The following MBLAC2 variants were observed in gnomAD, a reference collection of about 807,000 sequenced individuals.
MBLAC2 encodes the protein metallo-beta-lactamase domain containing 2, also known as acyl-coenzyme A thioesterase MBLAC2.
Under a neutral mutation model 23.3 loss-of-function variants are expected in MBLAC2, and 24 were observed. The ratio of observed to expected loss-of-function variants is 1.03; its 90% confidence interval spans 0.75 to 1.45. The LOEUF (loss-of-function observed/expected upper bound fraction) is 1.45, where lower values mean the gene tolerates loss of function less well. Ranked by LOEUF, MBLAC2 falls within the 40% of genes most tolerant of loss-of-function variation. MBLAC2 has a pLI of 0.00. For synonymous variants in MBLAC2, 162 were observed against 150.9 expected (o/e 1.07, Z -0.54); for missense variants, 358 against 370.0 (o/e 0.97, Z 0.27).
At chr5:90,469,832 C>A (rs1452242972) in intron 1 of MBLAC2, among the ~76,000 whole-genome samples, 1 of 152,106 alleles carries the variant, frequency 6.6e-6, no homozygotes, top group Non-Finnish European at 1.5e-5. Flanking sequence ...GGTTCCTCAA[C>A]AAACTGAAAA....
At chr5:90,463,919 TGAA>T (rs1309680972) in intron 1 of MBLAC2, among the ~76,000 whole-genome samples, 2 of 152,054 alleles carry the variant, frequency 1.3e-5, no homozygotes, top group African/African-American at 4.8e-5. Flanking sequence ...CTACAGACCC[TGAA>T]GAAATTAAAA....
chr5:90,472,785 G>T (rs1002731018), intron 1 of MBLAC2: 2 of 152,012 alleles, frequency 1.3e-5, no homozygotes, highest in African/African-American at 4.8e-5. Flanking sequence ...TATGAGGCAG[G>T]ATTTATGTAT....
At chr5:90,467,177 T>A (rs918856870) in intron 1 of MBLAC2, among the ~76,000 whole-genome samples, 1 of 152,312 alleles carries the variant, frequency 6.6e-6, no homozygotes, top group South Asian at 2.1e-4. Context: ...GAATGTTCTG[T>A]AAATATCTAT....
rs1402362157 is a variant in MBLAC2 at position 90,460,462 on chromosome 5, T to TCA, written c.*703_*704dup. The stretch of plus-strand genomic sequence containing the variant: ...TAGTTAGATAACAGACATTTGCATT[T>TCA]CACTTTCATAATTGAAAATATTACC... On this transcript the variant is annotated 3_prime_UTR_variant, in exon 2 of 2. Coordinates refer to ENST00000316610, the MANE Select transcript of MBLAC2 (RefSeq NM_203406.2). 1 of 152,620 alleles carries TCA rather than the reference T, an allele frequency of 6.6e-6. No homozygotes were observed. The highest frequency in any genetic ancestry group is 1.5e-5 in the Non-Finnish European group (1 of 67,996). The allele number at this position is 152,620 out of a possible 1,614,324, so 9.5% of individuals were successfully genotyped here. A position where few individuals can be genotyped will look rare whatever the true frequency, so the allele number is the denominator to read the frequency against.
Position 90,461,101 on chromosome 5 carries a change from A to G in MBLAC2, c.*66T>C. ...GCACTTCATGAAATGCTCACTATTA[A>G]TCAGTTAAATAGCACAGAATGAATT... On this transcript the variant is annotated 3_prime_UTR_variant, in exon 2 of 2. Coordinates refer to ENST00000316610, the MANE Select transcript of MBLAC2 (RefSeq NM_203406.2). The G allele has an allele frequency of 7.7e-7, 1 of 1,292,510 alleles. No individual in the cohort carries two copies. The highest frequency in any genetic ancestry group is 1.0e-6 in the Non-Finnish European group (1 of 959,206). The allele number at this position is 1,292,510 out of a possible 1,614,324, so 80.1% of individuals were successfully genotyped here.
chr5:90,466,607 G>A (rs1352069554), intron 1 of MBLAC2, among the ~76,000 whole-genome samples: 1 of 152,126 alleles, frequency 6.6e-6, no homozygotes, highest in African/African-American at 2.4e-5. Flanking sequence ...ATGTACATCT[G>A]ATAAAATCTT....
intron 1 of MBLAC2, chr5:90,473,360 C>T (rs1221253020): frequency 1.7e-5 from 6 of 345,192 alleles, no homozygotes; most frequent in Non-Finnish European, 3.2e-5. Context: ...CAGGTGGGAA[C>T]TGCCCATACC....
Position 90,474,460 on chromosome 5 carries a change from G to GGACGCAGACC in MBLAC2, c.-178_-169dup, listed in dbSNP as rs1170515470. ...GCGGGGGTCGGAATAGGAGGAGGAA[G>GGACGCAGACC]GACGCAGACCGACGCTGCCCGTAGC... On this transcript the variant is annotated 5_prime_UTR_variant, in exon 1 of 2. Transcript: ENST00000316610. 1.4e-5 allele frequency: 9 copies of GGACGCAGACC among 641,560 alleles called. No homozygotes were observed. The highest frequency in any genetic ancestry group is 3.7e-5 in the African/African-American group (2 of 54,140). 39.7% of individuals were successfully genotyped at this position (641,560 alleles called of 1,614,324 possible).
chr5:90,461,397 T>C lies in MBLAC2; in HGVS notation c.610A>G (p.Arg204Gly), dbSNP rs1220117697. 6.2e-7 allele frequency: 1 copy of C among 1,614,170 alleles called. No individual in the cohort carries two copies. Among genetic ancestry groups the C allele is most frequent in the Non-Finnish European group, 8.5e-7 (1 of 1,180,000 alleles). ...GSLIDWLPYS[R>G]ISDYVGTCER... ...CAAGTTCCAACATAGTCACTTATCC[T>C]GCTGTATGGGAGCCAGTCAATCAGT... The change falls in exon 2 of 2, where the codon AGG (arginine) becomes GGG (glycine). Residue 204 changes from arginine (R) to glycine (G), a missense_variant. Physicochemically the swap from Arg to Gly is moderately radical, Grantham distance 125. Coordinates refer to ENST00000316610, the MANE Select transcript of MBLAC2 (RefSeq NM_203406.2).
At chr5:90,463,800 T>C (rs77059026) in intron 1 of MBLAC2, among the ~76,000 whole-genome samples, 1,614 of 152,142 alleles carry the variant, frequency 0.011, 31 homozygotes, top group African/African-American at 0.036. Context: ...AAACCAACAG[T>C]TGTTTATTTG....
chr5:90,473,612 C>G, intron 1 of MBLAC2: 1 of 675,258 alleles, frequency 1.5e-6, no homozygotes, highest in Admixed American at 2.5e-5. Context: ...AAGGAGTACT[C>G]AGAATCTCTA....
At position 90,473,840 on chromosome 5, in the gene MBLAC2, A is replaced by C. The variant is rs1163670791; in HGVS notation, c.453T>G (p.Asp151Glu). The C allele has an allele frequency of 1.9e-6, 3 of 1,577,366 alleles. No individual in the cohort carries two copies. The South Asian group carries it at 3.5e-5, about 18-fold the overall frequency. ...CGCGCGCCCGCGGGGGCCCATTACCATCCTGCAGGATGAGGGTGGGCTGCA... is the reference window on the plus strand; with the variant it reads ...CGCGCGCCCGCGGGGGCCCATTACCCTCCTGCAGGATGAGGGTGGGCTGCA... ...QAVQPTLILQ[D>E]GDVINLGDRQ... Residue 151 changes from aspartate to glutamate, a missense_variant and splice_region_variant, in exon 1 of 2, where the codon GAT becomes GAG. Coordinates refer to ENST00000316610, the MANE Select transcript of MBLAC2 (RefSeq NM_203406.2).
chr5:90,467,144 T>C (rs562960219), intron 1 of MBLAC2, among the ~76,000 whole-genome samples: 1 of 152,132 alleles, frequency 6.6e-6, no homozygotes, highest in South Asian at 2.1e-4. Flanking sequence ...AAGTAAAAAA[T>C]AAAAAAATGT....
chr5:90,465,951 G>C lies in MBLAC2; in HGVS notation c.455-4399C>G, dbSNP rs995364621. 5.9e-5 allele frequency among the ~76,000 whole-genome samples: 9 copies of C among 152,224 alleles called. 1 individual carries two copies. In the South Asian group the frequency reaches 1.2e-3, roughly 21 times the overall value. On this transcript the variant is annotated intron_variant, in intron 1 of 1. Coordinates refer to ENST00000316610, the MANE Select transcript of MBLAC2 (RefSeq NM_203406.2). ...TCAACATAATCTCAATCAAAATCTTGATCTTTTTTCGAAGAAACTGAAAAT... is the reference window on the plus strand; with the variant it reads ...TCAACATAATCTCAATCAAAATCTTCATCTTTTTTCGAAGAAACTGAAAAT...
At position 90,473,858 on chromosome 5, in the gene MBLAC2, G is replaced by A. The variant is rs1342686242; in HGVS notation, c.435C>T (p.Pro145=). The part of the protein sequence containing the change: ...ARQFRVQAVQ[P]TLILQDGDVI... ...CATTACCATCCTGCAGGATGAGGGTGGGCTGCACCGCCTGTACCCGGAACT... is the reference window on the plus strand; with the variant it reads ...CATTACCATCCTGCAGGATGAGGGTAGGCTGCACCGCCTGTACCCGGAACT... Residue 145 remains proline, a synonymous_variant, in exon 1 of 2, where the codon CCC becomes CCT. Coordinates refer to ENST00000316610, the MANE Select transcript of MBLAC2 (RefSeq NM_203406.2). The A allele has an allele frequency of 6.3e-7, 1 of 1,589,692 alleles. No individual in the cohort carries two copies. Among genetic ancestry groups the A allele is most frequent in the Non-Finnish European group, 8.6e-7 (1 of 1,168,520 alleles).
Position 90,474,576 on chromosome 5 carries a change from C to T in MBLAC2, c.-284G>A. The T allele has an allele frequency of 2.1e-6, 1 of 469,554 alleles. No individual in the cohort carries two copies. The highest frequency in any genetic ancestry group is 3.8e-6 in the Non-Finnish European group (1 of 261,090). 29.1% of individuals were successfully genotyped at this position (469,554 alleles called of 1,614,324 possible). A position where few individuals can be genotyped will look rare whatever the true frequency, so the allele number is the denominator to read the frequency against. ...CAGGAGCTACCGCAGCCTCGGCAGC[C>T]GCACCACGAGAGAGCTTTAACGCAG... is the stretch of plus-strand genomic sequence containing the variant. On this transcript the variant is annotated 5_prime_UTR_variant, in exon 1 of 2. Transcript: ENST00000316610.
chr5:90,467,931 G>C (rs542078294), intron 1 of MBLAC2, among the ~76,000 whole-genome samples: 50 of 152,242 alleles, frequency 3.3e-4, no homozygotes, highest in South Asian at 1.0e-3. Flanking sequence ...GCATTTGTTT[G>C]TCTAGAAAAG....
In MBLAC2 at chr5:90,459,473, T is replaced by C. The variant is rs1750323132; in HGVS notation, c.*1694A>G. The C allele has an allele frequency of 6.6e-6, 1 of 152,152 alleles. No homozygotes were observed. The allele number at this position is 152,152 out of a possible 1,614,324, so 9.4% of individuals were successfully genotyped here. On this transcript the variant is annotated 3_prime_UTR_variant, in exon 2 of 2. Transcript: ENST00000316610. Reference sequence around the variant, plus strand: ...GACTATTCTAGACTAGCAATGCTTATATCCCTATTCTTGGATTGTTTTGTT... The same window carrying C: ...GACTATTCTAGACTAGCAATGCTTACATCCCTATTCTTGGATTGTTTTGTT...
intron 1 of MBLAC2, chr5:90,473,587 T>G (rs1580184442): frequency 1.5e-6 from 1 of 653,764 alleles, no homozygotes; most frequent in East Asian, 2.8e-5. Flanking sequence ...AGGGAGGGGG[T>G]GGTGCCGGCT....
Sources: allele counts gnomAD v4.1 joint callset (sites outside exome capture counted in the v4.1 genomes callset), GRCh38; gene constraint gnomAD v4.1.1; transcripts MANE v1.5; gene names NCBI Gene and HGNC (gene_info 2026-07-23, HGNC 2026-07-21).